Variants in KHDRBS2 observed in about 807,000 individuals in gnomAD.
The protein encoded by KHDRBS2 is KH domain-containing, RNA-binding, signal transduction-associated protein 2.
In KHDRBS2, 26 loss-of-function variants were observed where a neutral mutation model predicts 44.3. The ratio of observed to expected loss-of-function variants is 0.59; its 90% CI spans 0.43 to 0.81. The LOEUF is 0.81. Among genes scored for constraint, KHDRBS2 ranks in the 40% least tolerant of loss-of-function variants. KHDRBS2 has a pLI of 0.00. For synonymous variants in KHDRBS2, 194 were observed against 151.1 expected, an observed-to-expected ratio of 1.28 and a Z score of -2.08; for missense variants, 476 against 433.1, an observed-to-expected ratio of 1.10 and a Z score of -0.88.
At chr6:61,899,480 A>T (rs1215678521) in intron 5 of KHDRBS2, among the ~76,000 whole-genome samples, 1 of 151,892 alleles carries the variant, frequency 6.6e-6, no homozygotes, top group African/African-American at 2.4e-5. Flanking sequence ...TATGGGATTA[A>T]ATAGTGAAAT....
At chr6:61,853,111 T>C (rs1200289836) in intron 6 of KHDRBS2, among the ~76,000 whole-genome samples, 1 of 152,184 alleles carries the variant, frequency 6.6e-6, no homozygotes, top group African/African-American at 2.4e-5. Flanking sequence ...GGCCTTTACA[T>C]ATTTGGCATC....
intron 4 of KHDRBS2, among the ~76,000 whole-genome samples, chr6:61,921,019 G>A (rs1807977236): frequency 6.6e-6 from 1 of 151,788 alleles, no homozygotes; most frequent in African/African-American, 2.4e-5. Context: ...AAATGAAAAA[G>A]AAAACTAAAA....
chr6:61,995,192 C>A (rs1377644013), intron 3 of KHDRBS2, among the ~76,000 whole-genome samples: 4 of 151,784 alleles, frequency 2.6e-5, no homozygotes, highest in African/African-American at 9.7e-5. Flanking sequence ...GGACCTTGAT[C>A]CTGAATTTTG....
the KHDRBS2 span, among the ~76,000 whole-genome samples, chr6:61,636,173 G>C: frequency 1.3e-4 from 20 of 152,068 alleles, no homozygotes; most frequent in South Asian, 2.7e-3. Context: ...ATAACATTTT[G>C]AAAATGATGC....
At chr6:62,199,640 G>A (rs1182411047) in intron 1 of KHDRBS2, among the ~76,000 whole-genome samples, 2 of 152,100 alleles carry the variant, frequency 1.3e-5, no homozygotes, top group East Asian at 1.9e-4. Context: ...ACTCAATATC[G>A]TGAAAACGGC....
At chr6:62,072,338 T>G (rs1795331872) in intron 2 of KHDRBS2, among the ~76,000 whole-genome samples, 1 of 152,198 alleles carries the variant, frequency 6.6e-6, no homozygotes, top group Non-Finnish European at 1.5e-5. Context: ...TTTTATTTCC[T>G]TCTCCTGCCT....
intron 1 of KHDRBS2, among the ~76,000 whole-genome samples, chr6:62,215,645 T>C (rs1465166110): frequency 6.6e-6 from 1 of 151,890 alleles, no homozygotes; most frequent in African/African-American, 2.4e-5. Context: ...TTATTCTGTT[T>C]ATGTATCTTC....
chr6:61,848,590 T>C (rs1388495654), intron 6 of KHDRBS2, among the ~76,000 whole-genome samples: 2 of 119,144 alleles, frequency 1.7e-5, no homozygotes, highest in African/African-American at 3.1e-5. Context: ...TATATATATA[T>C]ATACTTTTTT....
the KHDRBS2 span, among the ~76,000 whole-genome samples, chr6:61,664,999 T>C: frequency 1.3e-5 from 2 of 151,598 alleles, no homozygotes; most frequent in East Asian, 2.0e-4. Flanking sequence ...TTAAAAGATA[T>C]ACTTTTTCTA....
At chr6:62,061,905 T>C (rs1422954270) in intron 2 of KHDRBS2, among the ~76,000 whole-genome samples, 2 of 151,710 alleles carry the variant, frequency 1.3e-5, no homozygotes, top group Admixed American at 1.3e-4. Flanking sequence ...ACTTCCCTTC[T>C]CGCTTCATTT....
chr6:62,073,638 A>T (rs564318717), intron 2 of KHDRBS2, among the ~76,000 whole-genome samples: 58 of 147,298 alleles, frequency 3.9e-4, no homozygotes, highest in Admixed American at 1.2e-3. Context: ...ATTAAGGTGG[A>T]AGTTTAGTTC....
At chr6:61,601,008 G>T in the KHDRBS2 span, among the ~76,000 whole-genome samples, 92 of 152,244 alleles carry the variant, frequency 6.0e-4, 1 homozygote, top group Admixed American at 2.0e-3. Flanking sequence ...CTGCAGGGAC[G>T]TCTGCCTGAT....
At chr6:62,146,714 G>A (rs902361689) in intron 2 of KHDRBS2, among the ~76,000 whole-genome samples, 13 of 151,730 alleles carry the variant, frequency 8.6e-5, no homozygotes, top group Admixed American at 1.3e-4. Context: ...TGTGTAAAGA[G>A]ACCAAAAGAA....
At chr6:62,173,648 C>A (rs564146568) in intron 2 of KHDRBS2, among the ~76,000 whole-genome samples, 2 of 152,000 alleles carry the variant, frequency 1.3e-5, no homozygotes, top group African/African-American at 4.8e-5. Context: ...CCTTGATGAA[C>A]GTAGATGCAA....
intron 2 of KHDRBS2, among the ~76,000 whole-genome samples, chr6:62,169,984 C>T (rs1350722958): frequency 6.6e-6 from 1 of 151,762 alleles, no homozygotes; most frequent in South Asian, 2.1e-4. Flanking sequence ...AGCCTTCTTA[C>T]AGTCTTAGAA....
At position 62,112,826 on chromosome 6, in the gene KHDRBS2, T is replaced by C. The variant is rs139637860; in HGVS notation, c.219+64359A>G. ...TAATATTGTTAGAATAACAGAGCAA[T>C]TGGTGCATCAAAATTATCTTTAGCT... On this transcript the variant is annotated intron_variant, in intron 2 of 8. Coordinates refer to ENST00000281156, the MANE Select transcript of KHDRBS2 (RefSeq NM_152688.4). Among the ~76,000 whole-genome samples the C allele has an allele frequency of 2.1e-3, 318 of 152,204 alleles. 2 individuals are homozygous for C. Among genetic ancestry groups the C allele is most frequent in the African/African-American group, 7.1e-3 (297 of 41,546 alleles).
chr6:62,123,468 C>T (rs1335707551), intron 2 of KHDRBS2, among the ~76,000 whole-genome samples: 6 of 152,172 alleles, frequency 3.9e-5, no homozygotes, highest in East Asian at 1.9e-4. Flanking sequence ...CTTGAGGAAT[C>T]GCCACACTGT....
chr6:62,278,230 A>C (rs1841284810), intron 1 of KHDRBS2, among the ~76,000 whole-genome samples: 1 of 152,230 alleles, frequency 6.6e-6, no homozygotes, highest in Admixed American at 6.5e-5. Context: ...AAAAAGAAAG[A>C]TCAAATTCAG....
chr6:62,090,258 A>C (rs1799247021), intron 2 of KHDRBS2, among the ~76,000 whole-genome samples: 1 of 152,186 alleles, frequency 6.6e-6, no homozygotes, highest in African/African-American at 2.4e-5. Flanking sequence ...AAAGGTTAGA[A>C]ATTTTTAATG....
Sources: allele counts gnomAD v4.1 joint callset (sites outside exome capture counted in the v4.1 genomes callset), GRCh38; gene constraint gnomAD v4.1.1; transcripts MANE v1.5; gene names NCBI Gene and HGNC (gene_info 2026-07-23, HGNC 2026-07-21).